CACNA2D4: variants seen among roughly 807,000 people sequenced by gnomAD.
CACNA2D4 encodes the protein voltage-dependent calcium channel subunit alpha-2/delta-4.
Under a neutral mutation model 163.8 loss-of-function variants are expected in CACNA2D4, and 157 were observed. The observed-to-expected ratio is 0.96, with a 90% CI of 0.84 to 1.09. The LOEUF (loss-of-function observed/expected upper bound fraction) is 1.09. Among genes scored for constraint, CACNA2D4 ranks in the 50% least tolerant of loss-of-function variants. The pLI, the probability that CACNA2D4 is intolerant of heterozygous loss-of-function variation, is 0.00. For synonymous variants in CACNA2D4, 598 were observed against 586.9 expected (o/e 1.02, Z -0.27); for missense variants, 1,410 against 1,479.9 (o/e 0.95, Z 0.78).
chr12:1,855,474 G>A (rs4766426), intron 22 of CACNA2D4, among the ~76,000 whole-genome samples: 20,979 of 152,166 alleles, frequency 0.14, 1,843 homozygotes, highest in East Asian at 0.43. Context: ...TGACCATGGA[G>A]CAGAGACTGA....
At position 1,895,750 on chromosome 12, in the gene CACNA2D4, G is replaced by A. The variant is rs189161575; in HGVS notation, c.782-8681C>T. Reference sequence around the variant, plus strand: ...GGGCTCAAGCAATCCTCCCACCTCAGCCTTCTAAATAGCTAGGACTATAGC... The same window carrying A: ...GGGCTCAAGCAATCCTCCCACCTCAACCTTCTAAATAGCTAGGACTATAGC... On this transcript the variant is annotated intron_variant, in intron 6 of 37. Transcript: ENST00000382722. 2.6e-5 allele frequency among the ~76,000 whole-genome samples: 4 copies of A among 152,218 alleles called. No homozygotes were observed. In the East Asian group the frequency reaches 7.7e-4, roughly 29 times the overall value.
chr12:1,882,344 G>C (rs996765813), intron 13 of CACNA2D4, among the ~76,000 whole-genome samples: 5 of 152,210 alleles, frequency 3.3e-5, no homozygotes, highest in African/African-American at 1.2e-4. Context: ...CTATGTGATG[G>C]GGATTTGAGA....
chr12:1,866,566 G>A (rs1865654851), intron 18 of CACNA2D4, among the ~76,000 whole-genome samples: 1 of 152,112 alleles, frequency 6.6e-6, no homozygotes. Context: ...AAGCATTTTT[G>A]CTGCTGGTCT....
rs1301614008 is a variant in CACNA2D4, at chr12:1,843,547, G to A, written c.2470+855C>T. 1.3e-5 allele frequency among the ~76,000 whole-genome samples: 2 copies of A among 152,172 alleles called. No homozygotes were observed. The highest frequency in any genetic ancestry group is 2.9e-5 in the Non-Finnish European group (2 of 68,018). ...GATCAGCCGCCCCAGCACTCACCTGGTGGAGGGGTGGTGGAGGGGTGGCTG... is the reference window on the plus strand; with the variant it reads ...GATCAGCCGCCCCAGCACTCACCTGATGGAGGGGTGGTGGAGGGGTGGCTG... On this transcript the variant is annotated intron_variant, in intron 25 of 37. Transcript: ENST00000382722. The surrounding 1 kb of genome is among the most constrained non-coding windows in gnomAD (Gnocchi z 4.6).
Position 1,834,909 on chromosome 12 carries a change from T to G in CACNA2D4, c.2551+5830A>C. 9.1e-7 allele frequency: 1 copy of G among 1,097,840 alleles called. No individual in the cohort carries two copies. The highest frequency in any genetic ancestry group is 1.3e-6 in the Non-Finnish European group (1 of 796,724). 68.0% of individuals were successfully genotyped at this position (1,097,840 alleles called of 1,614,324 possible). A position where few individuals can be genotyped will look rare whatever the true frequency, so the allele number is the denominator to read the frequency against. On this transcript the variant is annotated intron_variant, in intron 26 of 37. Coordinates refer to ENST00000382722, the MANE Select transcript of CACNA2D4 (RefSeq NM_172364.5). The surrounding 1 kb of genome is among the most constrained non-coding windows in gnomAD (Gnocchi z 7.6). ...CGAGGCTCCCTGAAAGCCACCGTGC[T>G]GGGGGCTCCTGCTGATGCTCCTGTC...
Position 1,878,856 on chromosome 12 carries a change from G to T in CACNA2D4, c.1644+100C>A. 8.5e-7 allele frequency: 1 copy of T among 1,172,812 alleles called. No homozygotes were observed. The highest frequency in any genetic ancestry group is 1.2e-6 in the Non-Finnish European group (1 of 822,352). The allele number at this position is 1,172,812 out of a possible 1,614,324, so 72.7% of individuals were successfully genotyped here. On this transcript the variant is annotated intron_variant, in intron 15 of 37. Coordinates refer to ENST00000382722, the MANE Select transcript of CACNA2D4 (RefSeq NM_172364.5). The surrounding 1 kb of genome is among the most constrained non-coding windows in gnomAD (Gnocchi z 4.6). Reference sequence around the variant, plus strand: ...GCAGTGATGGAGGGGCCCCACCCCAGCTCTGGGCTTGGCTTGCCTGGAGAG... The same window carrying T: ...GCAGTGATGGAGGGGCCCCACCCCATCTCTGGGCTTGGCTTGCCTGGAGAG...
chr12:1,910,846 G>T (rs1220227971), intron 3 of CACNA2D4, among the ~76,000 whole-genome samples: 3 of 152,106 alleles, frequency 2.0e-5, no homozygotes, highest in Non-Finnish European at 4.4e-5. Flanking sequence ...GAGCTAAGAG[G>T]AAGGGGATAG....
intron 26 of CACNA2D4, among the ~76,000 whole-genome samples, chr12:1,825,383 G>A (rs1240801895): frequency 6.6e-6 from 1 of 152,210 alleles, no homozygotes; most frequent in African/African-American, 2.4e-5. Flanking sequence ...GCAGACACCT[G>A]GATGGGGAAT....
At chr12:1,909,822 CGCCGCCACCCTAT>C (rs1207200886) in intron 4 of CACNA2D4, 71 bp downstream of exon 4, 12 of 1,165,878 alleles carry the variant, frequency 1.0e-5, no homozygotes, top group East Asian at 2.4e-5. Flanking sequence ...CGCCACCCTA[CGCCGCCACCCTAT>C]GCCGCCACCC....
chr12:1,821,807 G>A (rs1864115361), intron 26 of CACNA2D4, among the ~76,000 whole-genome samples: 1 of 152,146 alleles, frequency 6.6e-6, no homozygotes, highest in African/African-American at 2.4e-5. Flanking sequence ...TCTGGGGCTG[G>A]GTTCCAGTTG....
rs184524715 is a variant in CACNA2D4 at position 1,847,881 on chromosome 12, G to A, written c.2247-1192C>T. ...TAGAAATAACATTTAAAAAAACTTCGATGCCATTATTACACCTTAAAAAAA... is the reference window on the plus strand; with the variant it reads ...TAGAAATAACATTTAAAAAAACTTCAATGCCATTATTACACCTTAAAAAAA... On this transcript the variant is annotated intron_variant, in intron 23 of 37. Coordinates refer to ENST00000382722, the MANE Select transcript of CACNA2D4 (RefSeq NM_172364.5). 1.6e-4 allele frequency among the ~76,000 whole-genome samples: 24 copies of A among 151,664 alleles called. No homozygotes were observed. In the East Asian group the frequency reaches 3.5e-3, roughly 22 times the overall value.
chr12:1,802,060 T>C lies in CACNA2D4; in HGVS notation c.2722-416A>G, dbSNP rs1213169898. ...GTGTGTGTGTGTGTGTGTGTGTGTG[T>C]TGGGTCAGATATAAAACACGTTTCT... is the stretch of plus-strand genomic sequence containing the variant. On this transcript the variant is annotated intron_variant, in intron 29 of 37. Coordinates refer to ENST00000382722, the MANE Select transcript of CACNA2D4 (RefSeq NM_172364.5). The surrounding 1 kb of genome is among the most constrained non-coding windows in gnomAD (Gnocchi z 4.7). Among the ~76,000 whole-genome samples the C allele has an allele frequency of 7.4e-6, 1 of 134,922 alleles. No individual in the cohort carries two copies. The highest frequency in any genetic ancestry group is 7.6e-5 in the Admixed American group (1 of 13,192). The allele number at this position is 134,922 out of a possible 152,430, so 88.5% of individuals were successfully genotyped here. A position where few individuals can be genotyped will look rare whatever the true frequency, so the allele number is the denominator to read the frequency against.
intron 9 of CACNA2D4, among the ~76,000 whole-genome samples, chr12:1,885,741 C>T (rs1866122484): frequency 6.6e-6 from 1 of 152,182 alleles, no homozygotes; most frequent in Non-Finnish European, 1.5e-5. Flanking sequence ...AAGGAAGGTT[C>T]CCTTTGCTAT....
intron 4 of CACNA2D4, among the ~76,000 whole-genome samples, chr12:1,909,214 C>T (rs946939149): frequency 3.3e-4 from 50 of 152,194 alleles, no homozygotes; most frequent in African/African-American, 1.7e-4. Flanking sequence ...TTATTTGAGA[C>T]GGAGTCTCGC....
At chr12:1,835,859 G>A (rs189563926) in intron 26 of CACNA2D4, 1,635 of 152,732 alleles carry the variant, frequency 0.011, 35 homozygotes, top group Admixed American at 0.039. Flanking sequence ...GCCTGGCACC[G>A]TGACTCTGTG....
intron 1 of CACNA2D4, among the ~76,000 whole-genome samples, chr12:1,916,095 C>T (rs998151228): frequency 4.6e-5 from 7 of 152,192 alleles, no homozygotes; most frequent in Admixed American, 2.0e-4. Context: ...GATTCTAGGT[C>T]GGGAGTACAG....
At chr12:1,894,612 G>A (rs1295479823) in intron 6 of CACNA2D4, among the ~76,000 whole-genome samples, 2 of 41,774 alleles carry the variant, frequency 4.8e-5, no homozygotes, top group Non-Finnish European at 8.5e-5. Context: ...AGTAATATAT[G>A]ACATCAAAAG....
chr12:1,827,614 G>C (rs1264823967), intron 26 of CACNA2D4: 1 of 153,228 alleles, frequency 6.5e-6, no homozygotes, highest in African/African-American at 2.4e-5. Context: ...GGCGGGGCTA[G>C]AGGAACCGGG....
chr12:1,886,199 T>C, intron 8 of CACNA2D4, 24 bp downstream of exon 8: 1 of 1,610,024 alleles, frequency 6.2e-7, no homozygotes, highest in Non-Finnish European at 8.5e-7. Context: ...TGAGAGCTAT[T>C]CTAGAACAGG....
Sources: gnomAD v4.1 joint callset for allele counts (sites outside exome capture counted in the v4.1 genomes callset) on GRCh38, gnomAD v4.1.1 for gene constraint, Gnocchi (gnomAD v3.1) non-coding constraint, MANE v1.5 for transcripts, NCBI Gene and HGNC (gene_info 2026-07-23, HGNC 2026-07-21) for gene names.